Variants in PSMA6 observed in about 807,000 individuals in gnomAD.
The protein encoded by PSMA6 is proteasome subunit alpha type-6.
For synonymous variants in PSMA6, 88 were observed against 97.7 expected (o/e 0.90, Z 0.59); for missense variants, 170 against 294.8 (o/e 0.58, Z 3.10).
At chr14:35,297,236 G>C (rs923736021) in intron 1 of PSMA6, among the ~76,000 whole-genome samples, 1 of 149,898 alleles carries the variant, frequency 6.7e-6, no homozygotes, top group Admixed American at 6.7e-5. Flanking sequence ...TTTTGGGGGG[G>C]ATTGAGTCTC....
intron 1 of PSMA6, among the ~76,000 whole-genome samples, chr14:35,302,058 A>G (rs964494247): frequency 2.0e-5 from 3 of 151,918 alleles, no homozygotes; most frequent in Non-Finnish European, 4.4e-5. Context: ...TTTTTCTAGG[A>G]AAAAATCACA....
chr14:35,311,038 C>A, intron 4 of PSMA6, 143 bp downstream of exon 4: 1 of 784,286 alleles, frequency 1.3e-6, no homozygotes, highest in Non-Finnish European at 2.0e-6. Flanking sequence ...TATAATAAAT[C>A]AGAACTAAAG....
At chr14:35,303,818 T>A (rs2051765922) in intron 1 of PSMA6, among the ~76,000 whole-genome samples, 1 of 152,226 alleles carries the variant, frequency 6.6e-6, no homozygotes, top group South Asian at 2.1e-4. Context: ...GATTTTTTTC[T>A]TGTCATTATT....
In PSMA6 at chr14:35,310,732, G is replaced by C. The variant is rs1377947242; in HGVS notation, c.254-8G>C. The C allele has an allele frequency of 6.2e-7, 1 of 1,611,398 alleles. No homozygotes were observed. Among genetic ancestry groups the C allele is most frequent in the South Asian group, 1.1e-5 (1 of 90,890 alleles). On this transcript the variant is annotated splice_polypyrimidine_tract_variant and splice_region_variant and intron_variant, in intron 3 of 6. Coordinates refer to ENST00000261479, the MANE Select transcript of PSMA6 (RefSeq NM_002791.3). ...AACCAGGTAAATCTTTGTTTTTTAT[G>C]CTATAAGCTGACAGCAGATCCCAGG...
At chr14:35,296,976 C>T (rs4480691) in intron 1 of PSMA6, among the ~76,000 whole-genome samples, 2 of 127,628 alleles carry the variant, frequency 1.6e-5, no homozygotes, top group African/African-American at 5.8e-5. Flanking sequence ...GCCAAGATTT[C>T]TAATGACCCC....
At chr14:35,304,410 C>T (rs1235738959) in intron 1 of PSMA6, among the ~76,000 whole-genome samples, 1 of 152,118 alleles carries the variant, frequency 6.6e-6, no homozygotes, top group Non-Finnish European at 1.5e-5. Flanking sequence ...CCACAAATAG[C>T]GAGGCACCAG....
chr14:35,283,925 C>G (rs929239903), intron 1 of PSMA6, among the ~76,000 whole-genome samples: 1 of 152,062 alleles, frequency 6.6e-6, no homozygotes, highest in East Asian at 1.9e-4. Context: ...GCTGCTTACC[C>G]CAGTTCAGGC....
intron 3 of PSMA6, 69 bp from the exon 4 acceptor site, chr14:35,310,658 AAAATTGCCTGGCT>A (rs1458384301): frequency 6.9e-6 from 10 of 1,454,640 alleles, no homozygotes; most frequent in Middle Eastern, 4.8e-4. Flanking sequence ...ATATGGTGGG[AAAATTGCCTGGCT>A]AAATTGCCTG....
intron 3 of PSMA6, 65 bp downstream of exon 3, chr14:35,309,060 T>C (rs879149940): frequency 8.1e-7 from 1 of 1,236,586 alleles, no homozygotes; most frequent in South Asian, 1.3e-5. Flanking sequence ...TTTCTTCAAA[T>C]TATTTTGAGT....
chr14:35,293,698 A>G (rs935701487), intron 1 of PSMA6, among the ~76,000 whole-genome samples: 1 of 152,238 alleles, frequency 6.6e-6, no homozygotes, highest in East Asian at 1.9e-4. Flanking sequence ...TTTATCCCCA[A>G]TTGAAAAACA....
upstream of PSMA6, among the ~76,000 whole-genome samples, chr14:35,290,956 C>T (rs1428442275): frequency 1.3e-5 from 2 of 151,918 alleles, no homozygotes; most frequent in African/African-American, 2.4e-5. Context: ...GGTGCTTAAC[C>T]TCATTCCCCA....
rs1594395952 is a variant in PSMA6 at position 35,314,474 on chromosome 14, C to T, written c.683+19C>T. The T allele has an allele frequency of 8.7e-6, 14 of 1,602,720 alleles. No homozygotes were observed. Among genetic ancestry groups the T allele is most frequent in the Middle Eastern group, 3.3e-4 (2 of 6,016 alleles). On this transcript the variant is annotated intron_variant, in intron 6 of 6. Transcript: ENST00000261479. ...AATTCAGGTGAGTGATATTGTGGGC[C>T]ACATGCAGACTAGAAAGGTGGAGGC...
At chr14:35,295,336 TA>T (rs57795237) in intron 1 of PSMA6, among the ~76,000 whole-genome samples, 7,685 of 137,102 alleles carry the variant, frequency 0.056, 252 homozygotes, top group African/African-American at 0.11. Flanking sequence ...AGACTCCATC[TA>T]AAAAAAAAAA....
chr14:35,279,862 C>T (rs900966407), intron 1 of PSMA6, among the ~76,000 whole-genome samples: 12 of 152,104 alleles, frequency 7.9e-5, no homozygotes, highest in African/African-American at 2.9e-4. Flanking sequence ...TGGTGGCTCA[C>T]GCCTGTAATC....
At chr14:35,298,179 A>G (rs1408138887) in intron 1 of PSMA6, among the ~76,000 whole-genome samples, 3 of 151,946 alleles carry the variant, frequency 2.0e-5, no homozygotes, top group Non-Finnish European at 2.9e-5. Flanking sequence ...ATGCATTATA[A>G]TTTTTCCCAT....
rs78807211 is a variant in PSMA6 at position 35,314,064 on chromosome 14, C to T, written c.589-297C>T. On this transcript the variant is annotated intron_variant, in intron 5 of 6. Coordinates refer to ENST00000261479, the MANE Select transcript of PSMA6 (RefSeq NM_002791.3). ...GAGTATCATTCATCTTTATCCTTTTCCCATTTCACCCCAAGTGCTAAGTGA... is the reference window on the plus strand; with the variant it reads ...GAGTATCATTCATCTTTATCCTTTTTCCATTTCACCCCAAGTGCTAAGTGA... 9.9e-4 allele frequency: 171 copies of T among 173,454 alleles called. 1 individual carries two copies. Among genetic ancestry groups the T allele is most frequent in the African/African-American group, 3.7e-3 (157 of 42,356 alleles). 10.7% of individuals were successfully genotyped at this position (173,454 alleles called of 1,614,324 possible). A position where few individuals can be genotyped will look rare whatever the true frequency, so the allele number is the denominator to read the frequency against.
chr14:35,307,869 C>T, intron 1 of PSMA6, 125 bp from the exon 2 acceptor site: 1 of 784,182 alleles, frequency 1.3e-6, no homozygotes, highest in Non-Finnish European at 2.0e-6. Context: ...TTTGCACATC[C>T]TGGAATGCTA....
At chr14:35,282,036 A>C (rs2138700818) in intron 1 of PSMA6, among the ~76,000 whole-genome samples, 1 of 152,302 alleles carries the variant, frequency 6.6e-6, no homozygotes, top group African/African-American at 2.4e-5. Flanking sequence ...TTTCCCAGGG[A>C]TAGTTTCATA....
At chr14:35,308,873 A>T (rs542371760) in intron 2 of PSMA6, 41 bp from the exon 3 acceptor site, 21 of 1,421,682 alleles carry the variant, frequency 1.5e-5, no homozygotes, top group Non-Finnish European at 2.0e-5. Flanking sequence ...AGAAACCTGT[A>T]TGTTTTTTAA....
Sources: allele counts gnomAD v4.1 joint callset (sites outside exome capture counted in the v4.1 genomes callset), GRCh38; gene constraint gnomAD v4.1.1; transcripts MANE v1.5; gene names NCBI Gene and HGNC (gene_info 2026-07-23, HGNC 2026-07-21).